The following GTF2E2 variants were observed in gnomAD, a reference collection of about 807,000 sequenced individuals.
GTF2E2 encodes the protein general transcription factor IIE subunit 2, also known as transcription initiation factor IIE subunit beta.
GTF2E2 carries 21 observed loss-of-function variants against 40.5 expected under a neutral mutation model. The observed-to-expected ratio is 0.52, with a 90% CI of 0.37 to 0.75. The LOEUF is 0.75. Ranked by LOEUF, GTF2E2 falls within the 30% of genes least tolerant of loss-of-function variation. The probability of loss-of-function intolerance (pLI) is 0.00; values close to 1 mark genes in which losing one functional copy is unlikely to be tolerated. For missense variants in GTF2E2, 298 were observed against 338.4 expected (o/e 0.88, Z 0.94); for synonymous variants, 117 against 121.6 (o/e 0.96, Z 0.25).
chr8:30,651,761 A>C (rs552023799), intron 2 of GTF2E2, among the ~76,000 whole-genome samples: 6 of 152,302 alleles, frequency 3.9e-5, no homozygotes, highest in African/African-American at 1.4e-4. Flanking sequence ...AGAAAAACTA[A>C]AACAATTCTT....
intron 6 of GTF2E2, among the ~76,000 whole-genome samples, chr8:30,594,649 G>C (rs1260178346): frequency 6.6e-6 from 1 of 151,288 alleles, no homozygotes; most frequent in Non-Finnish European, 1.5e-5. Flanking sequence ...CCTGAGGTCA[G>C]AAGTTCGAGA....
At chr8:30,609,505 T>C (rs1011984266) in intron 5 of GTF2E2, among the ~76,000 whole-genome samples, 1 of 152,016 alleles carries the variant, frequency 6.6e-6, no homozygotes, top group African/African-American at 2.4e-5. Flanking sequence ...ATTAAAGACA[T>C]GAATAAATGA....
chr8:30,631,309 G>T (rs1416172034), intron 3 of GTF2E2, among the ~76,000 whole-genome samples: 1 of 152,194 alleles, frequency 6.6e-6, no homozygotes, highest in Admixed American at 6.5e-5. Flanking sequence ...GAGCCACTGT[G>T]CTGGGCCGAG....
chr8:30,639,694 A>G (rs1006195231), intron 2 of GTF2E2, among the ~76,000 whole-genome samples: 1 of 152,148 alleles, frequency 6.6e-6, no homozygotes, highest in African/African-American at 2.4e-5. Flanking sequence ...TCTATATACT[A>G]TATCGGACCT....
In GTF2E2 at chr8:30,600,300, A is replaced by C. The variant is rs189813444; in HGVS notation, c.643+6757T>G. ...GTGAGTCAGTGACAGATGGATAAAT[A>C]AATAACCAGGTTAAGTAGGATTAAA... On this transcript the variant is annotated intron_variant, in intron 6 of 7. Coordinates refer to ENST00000355904, the MANE Select transcript of GTF2E2 (RefSeq NM_002095.6). Among the ~76,000 whole-genome samples, 95 of 152,348 alleles carry C rather than the reference A, an allele frequency of 6.2e-4. 1 individual carries two copies. In the East Asian group the frequency reaches 0.01, roughly 17 times the overall value.
chr8:30,643,187 G>C (rs1801914611), intron 2 of GTF2E2, among the ~76,000 whole-genome samples: 1 of 152,130 alleles, frequency 6.6e-6, no homozygotes, highest in African/African-American at 2.4e-5. Flanking sequence ...TTTGAGTTTG[G>C]GGTGTGAAAA....
intron 6 of GTF2E2, among the ~76,000 whole-genome samples, 194 bp from the exon 7 acceptor site, chr8:30,580,590 C>T (rs1828489989): frequency 6.6e-6 from 1 of 152,104 alleles, no homozygotes. Context: ...AGAACTGCAC[C>T]CACACAGCCC....
intron 6 of GTF2E2, among the ~76,000 whole-genome samples, chr8:30,606,526 T>C (rs773273779): frequency 1.4e-4 from 21 of 152,212 alleles, no homozygotes; most frequent in Non-Finnish European, 2.5e-4. Context: ...TGACAAATTA[T>C]TGACAAAAAT....
chr8:30,590,191 T>C (rs1409334115), intron 6 of GTF2E2, among the ~76,000 whole-genome samples: 3 of 152,234 alleles, frequency 2.0e-5, no homozygotes, highest in East Asian at 3.8e-4. Flanking sequence ...TCACACAGCA[T>C]GTCCCTTTCG....
chr8:30,591,617 G>A (rs1390063707), intron 6 of GTF2E2, among the ~76,000 whole-genome samples: 1 of 152,192 alleles, frequency 6.6e-6, no homozygotes, highest in East Asian at 1.9e-4. Flanking sequence ...CCACCAGAAT[G>A]GCTAAAATCA....
At chr8:30,637,154 T>C in intron 2 of GTF2E2, 8 of 451,642 alleles carry the variant, frequency 1.8e-5, no homozygotes, top group South Asian at 1.3e-4. Flanking sequence ...TTACACAGAT[T>C]ATTCCATCTG....
intron 6 of GTF2E2, among the ~76,000 whole-genome samples, chr8:30,593,169 C>A (rs569302530): frequency 1.3e-5 from 2 of 152,178 alleles, no homozygotes; most frequent in Non-Finnish European, 1.5e-5. Context: ...CCAACCAGGG[C>A]AACAAGAGTG....
At position 30,645,751 on chromosome 8, in the gene GTF2E2, T is replaced by C. The variant is rs181647944; in HGVS notation, c.166+7682A>G. 1.6e-4 allele frequency: 107 copies of C among 688,810 alleles called. 2 individuals carry two copies. In the African/African-American group the frequency reaches 1.6e-3, roughly 11 times the overall value. The allele number at this position is 688,810 out of a possible 1,614,324, so 42.7% of individuals were successfully genotyped here. A position where few individuals can be genotyped will look rare whatever the true frequency, so the allele number is the denominator to read the frequency against. ...GGGGAAAAAAAAGTTAAACATGCAC[T>C]GTTTGTGTGTATAGCCATTTCATTA... On this transcript the variant is annotated intron_variant, in intron 2 of 7. Coordinates refer to ENST00000355904, the MANE Select transcript of GTF2E2 (RefSeq NM_002095.6).
intron 2 of GTF2E2, chr8:30,637,353 T>A (rs1801638032): frequency 4.4e-6 from 2 of 453,308 alleles, no homozygotes; most frequent in Admixed American, 2.4e-5. Context: ...CAGTTGTGCT[T>A]ATGAGACATG....
At chr8:30,634,187 C>A (rs980781477) in intron 3 of GTF2E2, among the ~76,000 whole-genome samples, 4 of 152,160 alleles carry the variant, frequency 2.6e-5, no homozygotes, top group Non-Finnish European at 4.4e-5. Context: ...GTGGCTCATG[C>A]CTGAAAGCCA....
chr8:30,594,585 C>T (rs945668827), intron 6 of GTF2E2, among the ~76,000 whole-genome samples: 24 of 149,638 alleles, frequency 1.6e-4, no homozygotes, highest in Non-Finnish European at 3.1e-4. Context: ...TGGCCAGGCA[C>T]GGTGGCTCAT....
rs767671974 is a variant in GTF2E2, at chr8:30,580,329, C to T, written c.711G>A (p.Leu237=). Residue 237 remains leucine (L), a synonymous_variant, in exon 7 of 8, where the codon CTG becomes CTA. Coordinates refer to ENST00000355904, the MANE Select transcript of GTF2E2 (RefSeq NM_002095.6). ...GCATGGAAGAAATACCCTGTCGCTT[C>T]AGATATTCTTCAATTTTCTCCTCGT... ...SMDEEKIEEY[L]KRQGISSMQE... 3.7e-6 allele frequency: 6 copies of T among 1,609,590 alleles called. No homozygotes were observed. The highest frequency in any genetic ancestry group is 2.7e-5 in the African/African-American group (2 of 74,872).
At chr8:30,648,803 G>A (rs943207877) in intron 2 of GTF2E2, among the ~76,000 whole-genome samples, 3 of 152,220 alleles carry the variant, frequency 2.0e-5, no homozygotes, top group Non-Finnish European at 4.4e-5. Flanking sequence ...TAGTATGAAG[G>A]AGAAACAAGC....
chr8:30,595,711 A>T (rs1388965019), intron 6 of GTF2E2, among the ~76,000 whole-genome samples: 1 of 152,146 alleles, frequency 6.6e-6, no homozygotes, highest in Non-Finnish European at 1.5e-5. Flanking sequence ...ATGTACCTGC[A>T]GTCCTAGCTA....
Sources: gnomAD v4.1 joint callset for allele counts (sites outside exome capture counted in the v4.1 genomes callset) on GRCh38, gnomAD v4.1.1 for gene constraint, MANE v1.5 for transcripts, NCBI Gene and HGNC (gene_info 2026-07-23, HGNC 2026-07-21) for gene names.